The following USP31 variants were observed in gnomAD, a reference collection of about 807,000 sequenced individuals.
USP31 encodes ubiquitin carboxyl-terminal hydrolase 31.
Under a neutral mutation model 119.4 loss-of-function variants are expected in USP31, and 44 were observed. The ratio of observed to expected loss-of-function variants is 0.37; its 90% CI spans 0.29 to 0.47. The LOEUF is 0.47. Ranked by LOEUF, USP31 falls within the 20% of genes least tolerant of loss-of-function variation. USP31 has a pLI of 0.99. For synonymous variants in USP31, 749 were observed against 705.6 expected (o/e 1.06, Z -0.97); for missense variants, 1,643 against 1,730.2 (o/e 0.95, Z 0.89).
At position 23,073,155 on chromosome 16, in the gene USP31, G is replaced by A. The variant is rs17729169; in HGVS notation, c.2335+567C>T. ...GTCCCTGCATTTATTAAACACAACAGGCTGGATGTCATCCGGCTAAACCCA... is the reference window on the plus strand; with the variant it reads ...GTCCCTGCATTTATTAAACACAACAAGCTGGATGTCATCCGGCTAAACCCA... On this transcript the variant is annotated intron_variant, in intron 14 of 15. Coordinates refer to ENST00000219689, the MANE Select transcript of USP31 (RefSeq NM_020718.4). Among the ~76,000 whole-genome samples, 1,250 of 152,140 alleles carry A rather than the reference G, an allele frequency of 8.2e-3. 10 individuals carry two copies. Among genetic ancestry groups the A allele is most frequent in the African/African-American group, 0.013 (547 of 41,508 alleles).
At position 23,068,261 on chromosome 16, in the gene USP31, G is replaced by C. The variant is rs770711366; in HGVS notation, c.3844C>G (p.Gln1282Glu). Residue 1282 changes from glutamine to glutamate, a missense_variant, in exon 16 of 16, where the codon CAG becomes GAG. Physicochemically the swap from Gln to Glu is conservative, Grantham distance 29. Transcript: ENST00000219689. ...TTTCCCGTTGTATTTGCATTTGGCT[G>C]CTGGGAAGCTGGAGGCTGGTGGCCT... ...ERGHQPPASQQPNANTTGKEQ... is the reference protein window; with the variant it reads ...ERGHQPPASQEPNANTTGKEQ... 1.9e-6 allele frequency: 3 copies of C among 1,614,158 alleles called. No individual in the cohort carries two copies. In the Admixed American group the frequency reaches 5.0e-5, roughly 27 times the overall value.
intron 13 of USP31, among the ~76,000 whole-genome samples, chr16:23,075,206 T>C (rs1053547714): frequency 6.6e-6 from 1 of 152,096 alleles, no homozygotes; most frequent in African/African-American, 2.4e-5. Flanking sequence ...AAGCAGCAAA[T>C]GGAGCTCTAA....
chr16:23,103,394 T>A (rs1212539053), intron 5 of USP31, among the ~76,000 whole-genome samples: 5 of 152,072 alleles, frequency 3.3e-5, no homozygotes, highest in Non-Finnish European at 7.4e-5. Context: ...AAGAATAAAC[T>A]ATATATATTT....
Position 23,129,398 on chromosome 16 carries a change from CTAAT to C in USP31, c.633+19236_633+19239del, listed in dbSNP as rs540906715. Among the ~76,000 whole-genome samples, 774 of 152,136 alleles carry C rather than the reference CTAAT, an allele frequency of 5.1e-3. 4 individuals are homozygous for C. The highest frequency in any genetic ancestry group is 0.014 in the Middle Eastern group (4 of 294). On this transcript the variant is annotated intron_variant, in intron 1 of 15. Transcript: ENST00000219689. ...AAACAATATCAGAGAAATATGAACA[CTAAT>C]TAAGGAATATTAGTTTTCCTTAGGC...
intron 15 of USP31, among the ~76,000 whole-genome samples, chr16:23,069,978 G>A (rs1900279274): frequency 6.6e-6 from 1 of 152,194 alleles, no homozygotes; most frequent in African/African-American, 2.4e-5. Context: ...GCAGCCACAG[G>A]TGACACGTAA....
At chr16:23,123,253 T>C (rs1165731863) in intron 1 of USP31, among the ~76,000 whole-genome samples, 1 of 152,130 alleles carries the variant, frequency 6.6e-6, no homozygotes, top group Non-Finnish European at 1.5e-5. Flanking sequence ...AAAGTTGACA[T>C]TAGGCTGGGC....
intron 6 of USP31, among the ~76,000 whole-genome samples, chr16:23,097,562 GC>G (rs1901667185): frequency 6.6e-6 from 1 of 152,194 alleles, no homozygotes; most frequent in South Asian, 2.1e-4. Context: ...GAACATCGAT[GC>G]AAAAATCCTC....
In USP31 at chr16:23,072,137, G is replaced by A; in HGVS notation, c.2396C>T (p.Ala799Val). ...GGAGGAAGCTGCAGAGGTCACGCTG[G>A]CTGGCTTGCTGCCCGGGAGCCGGCT... ...WVSRLPGSKP[A>V]SVTSAASSRR... Residue 799 changes from alanine (A) to valine (V), a missense_variant, in exon 15 of 16, where the codon GCC (alanine) becomes GTC (valine). This residue lies in a region of USP31 where 279 missense variants were observed against 372.2 expected (regional missense o/e 0.75). Transcript: ENST00000219689. The A allele has an allele frequency of 6.2e-7, 1 of 1,612,422 alleles. No homozygotes were observed. Among genetic ancestry groups the A allele is most frequent in the Non-Finnish European group, 8.5e-7 (1 of 1,180,028 alleles).
intron 1 of USP31, among the ~76,000 whole-genome samples, chr16:23,120,628 T>A (rs900453157): frequency 6.6e-6 from 1 of 152,186 alleles, no homozygotes; most frequent in African/African-American, 2.4e-5. Flanking sequence ...GGGAGATGAA[T>A]GCTTAAACCT....
rs1300555644 is a variant in USP31, at chr16:23,148,823, C to T, written c.448G>A (p.Glu150Lys). 6 of 1,538,660 alleles carry T rather than the reference C, an allele frequency of 3.9e-6. No individual in the cohort carries two copies. The highest frequency in any genetic ancestry group is 5.2e-6 in the Non-Finnish European group (6 of 1,146,552). The change falls in exon 1 of 16, where the codon GAG becomes AAG. Residue 150 changes from glutamate (E) to lysine (K), a missense_variant. Coordinates refer to ENST00000219689, the MANE Select transcript of USP31 (RefSeq NM_020718.4). Reference sequence around the variant, plus strand: ...AGCGCCAGGTACTCGGCGAAGAGCTCGGTGTTGCTGAGGCACTGCAGCGTG... The same window carrying T: ...AGCGCCAGGTACTCGGCGAAGAGCTTGGTGTTGCTGAGGCACTGCAGCGTG... ...NATLQCLSNT[E>K]LFAEYLALGQ...
intron 1 of USP31, among the ~76,000 whole-genome samples, chr16:23,124,653 C>G (rs935622300): frequency 6.6e-6 from 1 of 152,162 alleles, no homozygotes; most frequent in Admixed American, 6.5e-5. Flanking sequence ...CAGCATGAGG[C>G]TGAGATGGGT....
intron 1 of USP31, among the ~76,000 whole-genome samples, chr16:23,108,977 G>A (rs8059157): frequency 0.04 from 6,081 of 152,258 alleles, 417 homozygotes; most frequent in African/African-American, 0.14. Context: ...GGGACAGGGA[G>A]AAAGTCCACG....
chr16:23,089,468 T>A (rs1901256506), intron 7 of USP31, among the ~76,000 whole-genome samples: 1 of 152,150 alleles, frequency 6.6e-6, no homozygotes, highest in Non-Finnish European at 1.5e-5. Context: ...CCCTGCTGAA[T>A]CCCCAGTGTT....
At chr16:23,114,193 G>T (rs1280420754) in intron 1 of USP31, among the ~76,000 whole-genome samples, 1 of 152,168 alleles carries the variant, frequency 6.6e-6, no homozygotes, top group African/African-American at 2.4e-5. Context: ...TAAACAGAAG[G>T]TCGGTAGGAG....
intron 6 of USP31, among the ~76,000 whole-genome samples, chr16:23,100,719 C>T (rs1403746571): frequency 2.6e-5 from 4 of 151,846 alleles, no homozygotes; most frequent in African/African-American, 4.8e-5. Flanking sequence ...CCAGCCTGAG[C>T]GACAGAGCAA....
intron 5 of USP31, among the ~76,000 whole-genome samples, chr16:23,102,840 T>C (rs1268359091): frequency 1.3e-5 from 2 of 152,206 alleles, no homozygotes; most frequent in African/African-American, 2.4e-5. Flanking sequence ...GTATTAAATA[T>C]TGTAAGTTAT....
chr16:23,148,777 C>T lies in USP31; in HGVS notation c.494G>A (p.Arg165Gln). 3 of 1,531,692 alleles carry T rather than the reference C, an allele frequency of 2.0e-6. No homozygotes were observed. Among genetic ancestry groups the T allele is most frequent in the Non-Finnish European group, 2.6e-6 (3 of 1,144,750 alleles). The allele number at this position is 1,531,692 out of a possible 1,614,324, so 94.9% of individuals were successfully genotyped here. The change falls in exon 1 of 16, where the codon CGG becomes CAG. Residue 165 changes from arginine (R) to glutamine (Q), a missense_variant. By Grantham distance (43) the Arg-to-Gln change is conservative (BLOSUM62 1). Around this residue, in one of 5 missense-constraint regions of USP31, gnomAD observed 302 missense variants for 262.6 expected, o/e 1.15. Transcript: ENST00000219689. ...YLALGQYRAG[R>Q]PEPSPDPEQP... ...CTCCGGGTCAGGCGAGGGCTCGGGCCGCCCCGCCCGGTACTGGCCCAGCGC... is the reference window on the plus strand; with the variant it reads ...CTCCGGGTCAGGCGAGGGCTCGGGCTGCCCCGCCCGGTACTGGCCCAGCGC...
intron 11 of USP31, among the ~76,000 whole-genome samples, chr16:23,084,270 C>T (rs1900991561): frequency 6.6e-6 from 1 of 152,116 alleles, no homozygotes; most frequent in Admixed American, 6.5e-5. Context: ...CTTATTTATC[C>T]ATCTCTCTGT....
chr16:23,064,915 C>T lies in USP31; in HGVS notation c.*3131G>A, dbSNP rs1489563169. 1 of 152,222 alleles carries T rather than the reference C, an allele frequency of 6.6e-6. No individual in the cohort carries two copies. Among genetic ancestry groups the T allele is most frequent in the African/African-American group, 2.4e-5 (1 of 41,456 alleles). 9.4% of individuals were successfully genotyped at this position (152,222 alleles called of 1,614,324 possible). ...TAGCACACCACAAATACTCCCACAT[C>T]CGTTCCCACTGGTCCAGCATATTAT... On this transcript the variant is annotated 3_prime_UTR_variant, in exon 16 of 16. Transcript: ENST00000219689.
Sources: gnomAD v4.1 joint callset for allele counts (sites outside exome capture counted in the v4.1 genomes callset) on GRCh38, gnomAD v4.1.1 for gene constraint, gnomAD v4.1.1 regional missense constraint, MANE v1.5 for transcripts, NCBI Gene and HGNC (gene_info 2026-07-23, HGNC 2026-07-21) for gene names.